NPAS3: variants seen among roughly 807,000 people sequenced by gnomAD.
NPAS3 encodes the protein neuronal PAS domain-containing protein 3.
Under a neutral mutation model 73.1 loss-of-function variants are expected in NPAS3, and 14 were observed. The observed-to-expected ratio is 0.19, with a 90% confidence interval of 0.13 to 0.30. The LOEUF is 0.30. NPAS3 is among the 10% of genes least tolerant of loss of function. The probability of loss-of-function intolerance (pLI) is 1.00; values close to 1 mark genes in which losing one functional copy is unlikely to be tolerated. For missense variants in NPAS3, 1,096 were observed against 1,250.0 expected, an observed-to-expected ratio of 0.88 and a Z score of 1.86; for synonymous variants, 620 against 541.5, an observed-to-expected ratio of 1.14 and a Z score of -2.01.
At chr14:33,068,863 G>T (rs1198766833) in intron 2 of NPAS3, among the ~76,000 whole-genome samples, 1 of 152,136 alleles carries the variant, frequency 6.6e-6, no homozygotes, top group Non-Finnish European at 1.5e-5. Context: ...AGCACACCAG[G>T]GAGGCCAGTG....
chr14:33,165,279 AAGTCTCT>A (rs1431166025), intron 2 of NPAS3, among the ~76,000 whole-genome samples: 1 of 151,776 alleles, frequency 6.6e-6, no homozygotes, highest in East Asian at 1.9e-4. Flanking sequence ...AGAAGGGTTA[AAGTCTCT>A]CTGGTTGGAC....
intron 1 of NPAS3, among the ~76,000 whole-genome samples, chr14:32,957,032 A>G (rs866622562): frequency 1.3e-5 from 2 of 152,306 alleles, no homozygotes; most frequent in Non-Finnish European, 1.5e-5. Flanking sequence ...GCGCCTTAGC[A>G]TGATGATGAT....
intron 7 of NPAS3, among the ~76,000 whole-genome samples, chr14:33,753,358 T>TA (rs34619014): frequency 0.066 from 8,527 of 129,298 alleles, 305 homozygotes; most frequent in South Asian, 0.12. Flanking sequence ...GTTAAATTGA[T>TA]AAAAAAAAAA....
chr14:33,014,662 T>C (rs2039330896), intron 1 of NPAS3, among the ~76,000 whole-genome samples: 2 of 152,220 alleles, frequency 1.3e-5, no homozygotes, highest in Admixed American at 6.5e-5. Context: ...GAAGGTTTGC[T>C]TGTTTTAGGT....
rs188738066 is a variant in NPAS3 at position 33,312,401 on chromosome 14, G to C, written c.386-54785G>C. Among the ~76,000 whole-genome samples the C allele has an allele frequency of 5.6e-3, 854 of 152,150 alleles. 4 individuals carry two copies. Among genetic ancestry groups the C allele is most frequent in the Non-Finnish European group, 9.8e-3 (665 of 67,980 alleles). On this transcript the variant is annotated intron_variant, in intron 3 of 11. Transcript: ENST00000356141. ...ATAAAAATCACAATTTTTATTGTGT[G>C]TGTGTGTGTGAGTGTGTGAAATATT...
At chr14:33,753,763 T>C (rs2062033384) in intron 7 of NPAS3, among the ~76,000 whole-genome samples, 1 of 152,194 alleles carries the variant, frequency 6.6e-6, no homozygotes. Flanking sequence ...ATCTATTTTT[T>C]CCTAAGCTTT....
At chr14:33,271,182 A>T (rs2041060376) in intron 3 of NPAS3, among the ~76,000 whole-genome samples, 1 of 152,192 alleles carries the variant, frequency 6.6e-6, no homozygotes, top group African/African-American at 2.4e-5. Flanking sequence ...AAACCCAGCA[A>T]GGCCTCTCTG....
intron 4 of NPAS3, among the ~76,000 whole-genome samples, chr14:33,374,080 A>G (rs2046214416): frequency 6.6e-6 from 1 of 152,178 alleles, no homozygotes; most frequent in African/African-American, 2.4e-5. Flanking sequence ...TCTAAAAATG[A>G]TAGAGAAGAA....
chr14:32,937,358 G>A (rs1359173268), upstream of NPAS3, among the ~76,000 whole-genome samples: 1 of 152,058 alleles, frequency 6.6e-6, no homozygotes, highest in Non-Finnish European at 1.5e-5. Context: ...CAGGAGTGGG[G>A]GGTTTTTCAA....
intron 3 of NPAS3, among the ~76,000 whole-genome samples, chr14:33,349,286 G>A (rs946140616): frequency 3.9e-5 from 6 of 152,168 alleles, no homozygotes; most frequent in Non-Finnish European, 8.8e-5. Context: ...TCCAGAAATG[G>A]AAATAGAGGG....
intron 4 of NPAS3, among the ~76,000 whole-genome samples, chr14:33,512,396 T>C (rs556416097): frequency 6.6e-6 from 1 of 152,108 alleles, no homozygotes; most frequent in Non-Finnish European, 1.5e-5. Context: ...TTTACAGTGT[T>C]CCCTGCTTTG....
intron 2 of NPAS3, among the ~76,000 whole-genome samples, chr14:33,150,827 T>A (rs2044418052): frequency 6.6e-6 from 1 of 152,226 alleles, no homozygotes; most frequent in Admixed American, 6.5e-5. Flanking sequence ...AGAAGTCAGA[T>A]TATGAAGTCA....
chr14:33,107,205 T>A lies in NPAS3; in HGVS notation c.140+51211T>A, dbSNP rs142788982. 3.0e-4 allele frequency among the ~76,000 whole-genome samples: 45 copies of A among 152,322 alleles called. No homozygotes were observed. The East Asian group carries it at 8.7e-3, about 29-fold the overall frequency. On this transcript the variant is annotated intron_variant, in intron 2 of 11. Coordinates refer to ENST00000356141, the Ensembl canonical transcript of NPAS3. ...TAGGTAATCCAAAGATTAAGTCTGA[T>A]CTTTGGGGCTTTATGCTCTGTAAAA...
chr14:33,695,742 C>A (rs936229637), intron 6 of NPAS3, among the ~76,000 whole-genome samples: 1 of 152,164 alleles, frequency 6.6e-6, no homozygotes, highest in Non-Finnish European at 1.5e-5. Context: ...TTTTCTATTT[C>A]TACATAAGTG....
intron 2 of NPAS3, among the ~76,000 whole-genome samples, chr14:33,202,041 A>C (rs1291416937): frequency 2.6e-5 from 4 of 152,206 alleles, no homozygotes; most frequent in Admixed American, 6.5e-5. Context: ...TCATGCAATA[A>C]ATTTTTAAAA....
intron 5 of NPAS3, among the ~76,000 whole-genome samples, chr14:33,665,448 A>G (rs1462418780): frequency 2.0e-5 from 3 of 152,294 alleles, no homozygotes; most frequent in African/African-American, 7.2e-5. Context: ...GTGTGATTAA[A>G]AAAACAAAAC....
chr14:33,433,042 G>A (rs949006865), intron 4 of NPAS3, among the ~76,000 whole-genome samples: 2 of 152,072 alleles, frequency 1.3e-5, no homozygotes, highest in Non-Finnish European at 1.5e-5. Flanking sequence ...AATGCAAAGG[G>A]ATTTTTAATG....
intron 4 of NPAS3, among the ~76,000 whole-genome samples, chr14:33,537,264 T>C (rs1281165839): frequency 1.3e-5 from 2 of 152,232 alleles, no homozygotes; most frequent in Non-Finnish European, 2.9e-5. Context: ...TTAATTGTTG[T>C]GTATTTAACT....
chr14:32,939,093 G>A (rs1403295792), upstream of NPAS3: 10 of 145,784 alleles, frequency 6.9e-5, no homozygotes, highest in South Asian at 9.5e-4. Context: ...CTTTTCCGTA[G>A]CCTCCCCACC....
Sources: allele counts gnomAD v4.1 joint callset (sites outside exome capture counted in the v4.1 genomes callset), GRCh38; gene constraint gnomAD v4.1.1; transcripts MANE v1.5; gene names NCBI Gene and HGNC (gene_info 2026-07-23, HGNC 2026-07-21).